Variants in HLF observed in about 807,000 individuals in gnomAD.
The protein encoded by HLF is hepatic leukemia factor.
HLF carries 3 observed loss-of-function variants against 22.6 expected under a neutral mutation model. That is an observed-to-expected ratio of 0.13 (90% CI 0.06 to 0.34). The LOEUF (loss-of-function observed/expected upper bound fraction) is 0.34, where lower values mean the gene tolerates loss of function less well. HLF is among the 10% of genes least tolerant of loss of function. HLF has a pLI of 1.00. For synonymous variants in HLF, 151 were observed against 151.8 expected (o/e 0.99, Z 0.04); for missense variants, 299 against 389.2 (o/e 0.77, Z 1.95).
intron 2 of HLF, among the ~76,000 whole-genome samples, chr17:55,302,360 A>G (rs1002377190): frequency 1.3e-5 from 2 of 152,246 alleles, no homozygotes; most frequent in African/African-American, 4.8e-5. Context: ...TGCTTAACTT[A>G]GAGACTCATG....
At chr17:55,270,688 T>C (rs1169508185) in intron 2 of HLF, among the ~76,000 whole-genome samples, 5 of 136,582 alleles carry the variant, frequency 3.7e-5, no homozygotes, top group African/African-American at 1.4e-4. Flanking sequence ...TGAGACGGAG[T>C]CTCGCTCTGT....
Position 55,321,620 on chromosome 17 carries a change from C to A in HLF, c.*741C>A. On this transcript the variant is annotated 3_prime_UTR_variant, in exon 4 of 4. Transcript: ENST00000226067. ...TACCTAAAGCAATAATCCTATTGTA[C>A]GCTAGAGCATGCTGCCTGAGTATTA... 4.4e-6 allele frequency: 1 copy of A among 228,030 alleles called. No homozygotes were observed. Among genetic ancestry groups the A allele is most frequent in the East Asian group, 6.3e-5 (1 of 15,820 alleles). The allele number at this position is 228,030 out of a possible 1,614,324, so 14.1% of individuals were successfully genotyped here. A position where few individuals can be genotyped will look rare whatever the true frequency, so the allele number is the denominator to read the frequency against.
At chr17:55,277,819 G>C (rs537370720) in intron 2 of HLF, among the ~76,000 whole-genome samples, 1 of 152,224 alleles carries the variant, frequency 6.6e-6, no homozygotes, top group African/African-American at 2.4e-5. Context: ...GACAATTACA[G>C]GAGTGTTGGC....
At chr17:55,299,427 T>G (rs1229751449) in intron 2 of HLF, among the ~76,000 whole-genome samples, 1 of 151,942 alleles carries the variant, frequency 6.6e-6, no homozygotes, top group East Asian at 1.9e-4. Flanking sequence ...ACATACACTC[T>G]CCAGACATGA....
intron 2 of HLF, among the ~76,000 whole-genome samples, chr17:55,277,676 C>T (rs1044675196): frequency 5.9e-5 from 9 of 152,074 alleles, no homozygotes; most frequent in Admixed American, 4.6e-4. Context: ...CTTGCTCAAG[C>T]ACCCCCTGAA....
intron 1 of HLF, 190 bp downstream of exon 1, chr17:55,265,789 G>A (rs2080782055): frequency 1.5e-6 from 2 of 1,334,612 alleles, no homozygotes; most frequent in Non-Finnish European, 1.9e-6. Flanking sequence ...TCCATGAAAG[G>A]GGAGGGACCC....
chr17:55,277,967 A>T (rs1379461642), intron 2 of HLF, among the ~76,000 whole-genome samples: 3 of 151,426 alleles, frequency 2.0e-5, no homozygotes, highest in Non-Finnish European at 4.4e-5. Flanking sequence ...TTACAAACTA[A>T]TGTTACTCTC....
chr17:55,267,614 CA>C (rs754823332), intron 1 of HLF, 136 bp from the exon 2 acceptor site: 3 of 612,742 alleles, frequency 4.9e-6, no homozygotes, highest in Admixed American at 6.4e-5. Flanking sequence ...TCTAGATCTA[CA>C]AAAGACAGCA....
intron 2 of HLF, among the ~76,000 whole-genome samples, chr17:55,312,679 A>C (rs1005171160): frequency 3.3e-5 from 5 of 152,218 alleles, no homozygotes; most frequent in African/African-American, 1.2e-4. Context: ...GTTAAGGGTG[A>C]TCACCTCTGG....
chr17:55,312,190 C>T lies in HLF; in HGVS notation c.452-3037C>T, dbSNP rs147922335. 5.8e-3 allele frequency among the ~76,000 whole-genome samples: 884 copies of T among 152,266 alleles called. 7 individuals are homozygous for T. The highest frequency in any genetic ancestry group is 0.02 in the African/African-American group (833 of 41,554). On this transcript the variant is annotated intron_variant, in intron 2 of 3. Transcript: ENST00000226067. ...TCCTTTGGGTATAAATCCAGTAATG[C>T]GTTGCTAGGCCAAGTGGTAATTCTA...
chr17:55,280,150 T>A (rs1171135017), intron 2 of HLF, among the ~76,000 whole-genome samples: 1 of 152,212 alleles, frequency 6.6e-6, no homozygotes, highest in Non-Finnish European at 1.5e-5. Context: ...TACTATTCCT[T>A]CTCTTCTTCC....
chr17:55,282,709 C>T lies in HLF; in HGVS notation c.451+14623C>T, dbSNP rs2080964983. ...AATGTAGGTGCTGTTTCTAGCTCTA[C>T]GACTCTGTGTTCAAAGACTACTATG... On this transcript the variant is annotated intron_variant, in intron 2 of 3. Coordinates refer to ENST00000226067, the MANE Select transcript of HLF (RefSeq NM_002126.5). Among the ~76,000 whole-genome samples, 3 of 152,138 alleles carry T rather than the reference C, an allele frequency of 2.0e-5. No homozygotes were observed. The South Asian group carries it at 6.2e-4, about 31-fold the overall frequency.
rs1475900103 is a variant in HLF at position 55,320,040 on chromosome 17, C to G, written c.673-624C>G. 6.6e-6 allele frequency among the ~76,000 whole-genome samples: 1 copy of G among 152,144 alleles called. No homozygotes were observed. The highest frequency in any genetic ancestry group is 2.4e-5 in the African/African-American group (1 of 41,430). Reference sequence around the variant, plus strand: ...TATTTTTAACAGCTGCCAAGTATCCCTTTGTATGACTGTATCATAACGTGG... The same window carrying G: ...TATTTTTAACAGCTGCCAAGTATCCGTTTGTATGACTGTATCATAACGTGG... On this transcript the variant is annotated intron_variant, in intron 3 of 3. Coordinates refer to ENST00000226067, the MANE Select transcript of HLF (RefSeq NM_002126.5). This position sits in a 1 kb window ranked among gnomAD's most constrained non-coding sequence, Gnocchi z 4.2.
chr17:55,306,912 C>T (rs1904596451), intron 2 of HLF, among the ~76,000 whole-genome samples: 1 of 151,996 alleles, frequency 6.6e-6, no homozygotes, highest in South Asian at 2.1e-4. Context: ...ACACTTCTGA[C>T]CTCAGGGCAT....
At chr17:55,319,774 A>G (rs984938651) in intron 3 of HLF, among the ~76,000 whole-genome samples, 1 of 151,954 alleles carries the variant, frequency 6.6e-6, no homozygotes, top group Non-Finnish European at 1.5e-5. Flanking sequence ...CTATTATATG[A>G]TATTGTAATA....
At position 55,265,668 on chromosome 17, in the gene HLF, C is replaced by A. The variant is rs934126055; in HGVS notation, c.115+69C>A. 2.6e-5 allele frequency: 32 copies of A among 1,238,200 alleles called. No homozygotes were observed. The South Asian group carries it at 3.1e-4, about 12-fold the overall frequency. The allele number at this position is 1,238,200 out of a possible 1,614,324, so 76.7% of individuals were successfully genotyped here. On this transcript the variant is annotated intron_variant, in intron 1 of 3. Coordinates refer to ENST00000226067, the MANE Select transcript of HLF (RefSeq NM_002126.5). ...GGGGGTCCCCCTCCGCGGCCGGGCACGCCCGCTGGAGCATCCCCCAACCCC... is the reference window on the plus strand; with the variant it reads ...GGGGGTCCCCCTCCGCGGCCGGGCAAGCCCGCTGGAGCATCCCCCAACCCC...
chr17:55,306,764 C>G (rs372087886), intron 2 of HLF, among the ~76,000 whole-genome samples: 17 of 152,182 alleles, frequency 1.1e-4, no homozygotes, highest in African/African-American at 4.1e-4. Flanking sequence ...CTTTCTCCCC[C>G]TCCCTTTTGA....
rs1270351976 is a variant in HLF, at chr17:55,315,288, C to T, written c.513C>T (p.Val171=). The T allele has an allele frequency of 6.2e-7, 1 of 1,614,168 alleles. No homozygotes were observed. Reference sequence around the variant, plus strand: ...CCATTGATCCTGACACCATCCAGGTCCCAGTGGGTTATGAGCCAGACCCAG... The same window carrying T: ...CCATTGATCCTGACACCATCCAGGTTCCAGTGGGTTATGAGCCAGACCCAG... The part of the protein sequence containing the change: ...PSPIDPDTIQ[V]PVGYEPDPAD... The change falls in exon 3 of 4, where the codon GTC becomes GTT. Residue 171 remains valine, a synonymous_variant. Coordinates refer to ENST00000226067, the MANE Select transcript of HLF (RefSeq NM_002126.5).
chr17:55,280,887 T>C (rs1468594999), intron 2 of HLF, among the ~76,000 whole-genome samples: 2 of 152,154 alleles, frequency 1.3e-5, no homozygotes, highest in East Asian at 3.8e-4. Context: ...AAAACAAAAA[T>C]AGATTATTTG....
Sources: gnomAD v4.1 joint callset for allele counts (sites outside exome capture counted in the v4.1 genomes callset) on GRCh38, gnomAD v4.1.1 for gene constraint, Gnocchi (gnomAD v3.1) non-coding constraint, MANE v1.5 for transcripts, NCBI Gene and HGNC (gene_info 2026-07-23, HGNC 2026-07-21) for gene names.